The following RNF150 variants were observed in gnomAD, a reference collection of about 807,000 sequenced individuals.
RNF150 encodes the protein ring finger protein 150.
RNF150 carries 24 observed loss-of-function variants against 39.3 expected under a neutral mutation model. That is an observed-to-expected ratio of 0.61 (90% confidence interval 0.44 to 0.86). RNF150 has a LOEUF of 0.86. Among genes scored for constraint, RNF150 ranks in the 40% least tolerant of loss-of-function variants. The pLI, the probability that RNF150 is intolerant of heterozygous loss-of-function variation, is 0.00. For missense variants in RNF150, 502 were observed against 587.8 expected (o/e 0.85, Z 1.51); for synonymous variants, 255 against 227.3 (o/e 1.12, Z -1.10).
At chr4:141,066,008 C>T (rs978425644) in intron 1 of RNF150, among the ~76,000 whole-genome samples, 1 of 152,036 alleles carries the variant, frequency 6.6e-6, no homozygotes, top group Admixed American at 6.6e-5. Flanking sequence ...ATTCTCTGTG[C>T]ATGGGTGGTT....
intron 1 of RNF150, among the ~76,000 whole-genome samples, chr4:141,000,100 A>AG (rs1734608633): frequency 7.3e-6 from 1 of 136,672 alleles, no homozygotes; most frequent in East Asian, 2.0e-4. Context: ...AAGAAGAAGA[A>AG]GAAGAAGAGG....
intron 1 of RNF150, chr4:141,053,545 C>T: frequency 4.2e-6 from 2 of 474,224 alleles, no homozygotes; most frequent in Non-Finnish European, 3.5e-6. Flanking sequence ...CAAAAGAAGA[C>T]AAGAAATGTT....
intron 6 of RNF150, among the ~76,000 whole-genome samples, chr4:140,876,101 A>G (rs1442396358): frequency 5.9e-5 from 9 of 152,200 alleles, no homozygotes; most frequent in Admixed American, 2.0e-4. Flanking sequence ...ATTACACAAA[A>G]GCTTATTTTT....
chr4:141,122,141 G>C (rs536924722), intron 1 of RNF150, among the ~76,000 whole-genome samples: 1 of 152,162 alleles, frequency 6.6e-6, no homozygotes, highest in African/African-American at 2.4e-5. Context: ...CTTGCCAACC[G>C]AAAAGCCAAT....
chr4:140,906,970 C>G lies in RNF150; in HGVS notation c.1198+4174G>C, dbSNP rs549285401. On this transcript the variant is annotated intron_variant, in intron 6 of 6. Transcript: ENST00000515673. ...TCACAGGAAGGTTTCAGACCCCACC[C>G]CCGCGAGATGTGGAGTGGCACTCAG... 1.1e-4 allele frequency among the ~76,000 whole-genome samples: 17 copies of G among 152,270 alleles called. 1 individual carries two copies. In the South Asian group the frequency reaches 3.5e-3, roughly 32 times the overall value.
At chr4:141,187,982 T>A (rs1008696215) in intron 1 of RNF150, among the ~76,000 whole-genome samples, 1 of 152,206 alleles carries the variant, frequency 6.6e-6, no homozygotes, top group African/African-American at 2.4e-5. Context: ...CAGTGGCTGG[T>A]AACGGTTTTT....
chr4:141,160,704 T>C (rs754945432), intron 1 of RNF150, among the ~76,000 whole-genome samples: 3 of 152,154 alleles, frequency 2.0e-5, no homozygotes, highest in Non-Finnish European at 4.4e-5. Flanking sequence ...CAAGAGCTGG[T>C]TGTTTAAAAG....
intron 6 of RNF150, among the ~76,000 whole-genome samples, chr4:140,892,376 CA>C (rs1729783369): frequency 6.6e-6 from 1 of 152,146 alleles, no homozygotes; most frequent in Non-Finnish European, 1.5e-5. Context: ...TTAATTCTGC[CA>C]AATGCCTCCG....
chr4:141,000,026 G>GAAGAAAAGAAGAAAAGAAGAA (rs1734574903), intron 1 of RNF150, among the ~76,000 whole-genome samples: 1 of 32,302 alleles, frequency 3.1e-5, no homozygotes, highest in Non-Finnish European at 8.3e-5. Flanking sequence ...AGAAGAAGAA[G>GAAGAAAAGAAGAAAAGAAGAA]AAGAAGAAGA....
intron 1 of RNF150, among the ~76,000 whole-genome samples, chr4:141,170,327 C>T (rs1055975754): frequency 6.6e-6 from 1 of 152,126 alleles, no homozygotes; most frequent in Non-Finnish European, 1.5e-5. Context: ...GACACGTACT[C>T]TATGTCTTGG....
intron 4 of RNF150, among the ~76,000 whole-genome samples, chr4:140,938,112 T>A (rs1321796405): frequency 2.0e-5 from 3 of 152,172 alleles, no homozygotes; most frequent in Non-Finnish European, 2.9e-5. Flanking sequence ...TAAACATTTT[T>A]TTTTACTCAT....
At chr4:140,884,695 T>C (rs891171229) in intron 6 of RNF150, among the ~76,000 whole-genome samples, 11 of 152,216 alleles carry the variant, frequency 7.2e-5, no homozygotes, top group Non-Finnish European at 1.3e-4. Flanking sequence ...TTTGTTTTTT[T>C]TGGCCCCCTG....
At chr4:141,020,671 G>A (rs1347774430) in intron 1 of RNF150, among the ~76,000 whole-genome samples, 4 of 152,110 alleles carry the variant, frequency 2.6e-5, no homozygotes. Flanking sequence ...ATAAACTATG[G>A]CCAACCATAC....
chr4:140,940,010 C>T (rs1204912248), intron 4 of RNF150, among the ~76,000 whole-genome samples: 3 of 152,158 alleles, frequency 2.0e-5, no homozygotes, highest in Admixed American at 6.5e-5. Flanking sequence ...CCAGGCAGAT[C>T]CCTCTTAACC....
chr4:141,170,749 C>A (rs776820540), intron 1 of RNF150, among the ~76,000 whole-genome samples: 10 of 152,134 alleles, frequency 6.6e-5, no homozygotes, highest in Non-Finnish European at 4.4e-5. Flanking sequence ...CCACAGAAAG[C>A]AAATGGTAAA....
chr4:141,189,478 T>C (rs1728068540), intron 1 of RNF150, among the ~76,000 whole-genome samples: 1 of 152,158 alleles, frequency 6.6e-6, no homozygotes, highest in East Asian at 1.9e-4. Flanking sequence ...AATGTTCAAG[T>C]CTACTGAAGC....
At chr4:141,030,834 G>A (rs1735916670) in intron 1 of RNF150, among the ~76,000 whole-genome samples, 2 of 151,960 alleles carry the variant, frequency 1.3e-5, no homozygotes, top group Admixed American at 6.6e-5. Context: ...ATTGCTTAAC[G>A]GATATAGAGT....
At chr4:141,198,530 T>C (rs1367738243) in intron 1 of RNF150, among the ~76,000 whole-genome samples, 2 of 152,226 alleles carry the variant, frequency 1.3e-5, no homozygotes, top group South Asian at 4.1e-4. Flanking sequence ...ATATGATTCC[T>C]GCCTTCAAGG....
intron 1 of RNF150, among the ~76,000 whole-genome samples, chr4:141,139,318 A>G (rs1237261803): frequency 6.6e-6 from 1 of 152,218 alleles, no homozygotes; most frequent in Non-Finnish European, 1.5e-5. Context: ...TCCTCCCATC[A>G]AGTTTAGAAT....
Sources: gnomAD v4.1 joint callset for allele counts (sites outside exome capture counted in the v4.1 genomes callset) on GRCh38, gnomAD v4.1.1 for gene constraint, MANE v1.5 for transcripts, NCBI Gene and HGNC (gene_info 2026-07-23, HGNC 2026-07-21) for gene names.